Variants in C12orf56 observed in about 807,000 individuals in gnomAD.
The protein encoded by C12orf56 is uncharacterized protein C12orf56.
A neutral mutation model predicts 69.9 loss-of-function variants in C12orf56; 71 were observed. The observed-to-expected ratio is 1.02, with a 90% CI of 0.84 to 1.24. The LOEUF (loss-of-function observed/expected upper bound fraction) is 1.24, where lower values mean the gene tolerates loss of function less well. C12orf56 is among the 50% of genes most tolerant of loss of function. The pLI is 0.00. For missense variants in C12orf56, 732 were observed against 738.5 expected (o/e 0.99, Z 0.10); for synonymous variants, 276 against 274.1 (o/e 1.01, Z -0.07).
intron 1 of C12orf56, among the ~76,000 whole-genome samples, chr12:64,366,834 ATATATAACATACAGTTTATATATAT>A (rs1555194275): frequency 0.018 from 1,704 of 96,330 alleles, 23 homozygotes; most frequent in Admixed American, 0.045. Context: ...TATATATATT[ATATATAACATACAGTTTATATATAT>A]TATATAACAT....
intron 9 of C12orf56, among the ~76,000 whole-genome samples, chr12:64,276,993 TAAAAAA>T (rs200351319): frequency 0.41 from 29,163 of 70,572 alleles, 4,459 homozygotes; most frequent in East Asian, 0.66. Context: ...AACCCTTTCT[TAAAAAA>T]AAAAAAAAAA....
At chr12:64,278,151 T>C (rs2038078756) in intron 8 of C12orf56, among the ~76,000 whole-genome samples, 1 of 152,158 alleles carries the variant, frequency 6.6e-6, no homozygotes, top group African/African-American at 2.4e-5. Flanking sequence ...GACAATATTA[T>C]AGTTAAAATA....
At position 64,360,898 on chromosome 12, in the gene C12orf56, T is replaced by A. The variant is rs543164714; in HGVS notation, c.253-7842A>T. Among the ~76,000 whole-genome samples, 63 of 152,310 alleles carry A rather than the reference T, an allele frequency of 4.1e-4. 2 individuals carry two copies. In the South Asian group the frequency reaches 0.012, roughly 29 times the overall value. ...TATCACACCATTTATATACATTTGATAAATCAACTCTTTTAAGTGTAATTG... is the reference window on the plus strand; with the variant it reads ...TATCACACCATTTATATACATTTGAAAAATCAACTCTTTTAAGTGTAATTG... On this transcript the variant is annotated intron_variant, in intron 1 of 12. Transcript: ENST00000543942.
At chr12:64,275,243 CAT>C (rs2038036243) in intron 10 of C12orf56, 53 bp downstream of exon 10, 2 of 828,088 alleles carry the variant, frequency 2.4e-6, no homozygotes, top group Non-Finnish European at 3.7e-6. Context: ...ATATAATAGT[CAT>C]GTAATTTATA....
At chr12:64,315,586 T>G (rs777153497) in intron 4 of C12orf56, among the ~76,000 whole-genome samples, 6 of 152,136 alleles carry the variant, frequency 3.9e-5, no homozygotes, top group Non-Finnish European at 8.8e-5. Flanking sequence ...TGCTGATAAT[T>G]TCTAATTAGA....
At chr12:64,299,261 T>C (rs552540559) in intron 6 of C12orf56, among the ~76,000 whole-genome samples, 53 of 152,350 alleles carry the variant, frequency 3.5e-4, no homozygotes, top group Admixed American at 3.3e-3. Context: ...TGAAGTTGCT[T>C]TGATAAGCTT....
intron 5 of C12orf56, among the ~76,000 whole-genome samples, chr12:64,308,940 G>GAAAGAAAAAAGAAAAAGA (rs35488127): frequency 1.2e-5 from 1 of 80,828 alleles, no homozygotes; most frequent in Non-Finnish European, 2.5e-5. Context: ...AAGAAAGAAA[G>GAAAGAAAAAAGAAAAAGA]AAGAAAGAAA....
rs71089925 is a variant in C12orf56 at position 64,272,504 on chromosome 12, C to CAAAT, written c.1585-1794_1585-1791dup. Among the ~76,000 whole-genome samples, 238 of 151,012 alleles carry CAAAT rather than the reference C, an allele frequency of 1.6e-3. 2 individuals are homozygous for CAAAT. Among genetic ancestry groups the CAAAT allele is most frequent in the African/African-American group, 3.3e-3 (137 of 41,020 alleles). Reference sequence around the variant, plus strand: ...TGGGTGACAAAGGGAGACTCTGTCTCAAATAAATAAATAAATAAATAAATA... The same window carrying CAAAT: ...TGGGTGACAAAGGGAGACTCTGTCTCAAATAAATAAATAAATAAATAAATAAATA... On this transcript the variant is annotated intron_variant, in intron 11 of 12. Transcript: ENST00000543942.
intron 1 of C12orf56, among the ~76,000 whole-genome samples, chr12:64,367,395 A>G (rs1418212472): frequency 1.4e-5 from 2 of 147,720 alleles, no homozygotes; most frequent in Non-Finnish European, 3.0e-5. Flanking sequence ...AAATATAAAG[A>G]AACTAAAATA....
rs200293677 is a variant in C12orf56 at position 64,379,927 on chromosome 12, C to CA, written c.252+10386dup. On this transcript the variant is annotated intron_variant, in intron 1 of 12. Transcript: ENST00000543942. The stretch of plus-strand genomic sequence containing the variant: ...TGAAACCCCGTCTCCACTAAAAATA[C>CA]AAAAAAAAAAAAAAAAAAAAAAAAG... Among the ~76,000 whole-genome samples, 862 of 113,846 alleles carry CA rather than the reference C, an allele frequency of 7.6e-3. 12 individuals carry two copies. Among genetic ancestry groups the CA allele is most frequent in the African/African-American group, 0.029 (609 of 21,346 alleles). 74.7% of individuals were successfully genotyped at this position (113,846 alleles called of 152,430 possible).
chr12:64,324,766 G>C (rs1308859454), intron 3 of C12orf56, among the ~76,000 whole-genome samples: 1 of 152,188 alleles, frequency 6.6e-6, no homozygotes, highest in African/African-American at 2.4e-5. Context: ...GAGGCAGACA[G>C]GTACTGAGAA....
intron 5 of C12orf56, among the ~76,000 whole-genome samples, chr12:64,310,075 C>T (rs568877062): frequency 4.0e-5 from 6 of 151,196 alleles, no homozygotes; most frequent in Non-Finnish European, 7.4e-5. Context: ...TGGAGTGCGG[C>T]GGTGCAATCG....
At chr12:64,379,768 G>A (rs1219588163) in intron 1 of C12orf56, among the ~76,000 whole-genome samples, 9 of 151,186 alleles carry the variant, frequency 6.0e-5, no homozygotes, top group Non-Finnish European at 1.5e-5. Context: ...CTCAGCTTAC[G>A]TAACTCTTAA....
At position 64,283,646 on chromosome 12, in the gene C12orf56, C is replaced by CT. The variant is rs57539069; in HGVS notation, c.1310+1017dup. Among the ~76,000 whole-genome samples the CT allele has an allele frequency of 8.1e-3, 1,124 of 138,696 alleles. 11 individuals carry two copies. The highest frequency in any genetic ancestry group is 0.04 in the South Asian group (177 of 4,464). The allele number at this position is 138,696 out of a possible 152,430, so 91.0% of individuals were successfully genotyped here. A position where few individuals can be genotyped will look rare whatever the true frequency, so the allele number is the denominator to read the frequency against. ...GCTTGTTTGCCCTCTGCTTCTCTCT[C>CT]TTTTTTTTTTTTTTCTTTTTTAACT... is the stretch of plus-strand genomic sequence containing the variant. On this transcript the variant is annotated intron_variant, in intron 8 of 12. Coordinates refer to ENST00000543942, the MANE Select transcript of C12orf56 (RefSeq NM_001170633.2).
chr12:64,283,298 C>G (rs909221902), intron 8 of C12orf56, among the ~76,000 whole-genome samples: 1 of 152,130 alleles, frequency 6.6e-6, no homozygotes, highest in South Asian at 2.1e-4. Flanking sequence ...GAGCTGAAAT[C>G]GTGCCATTGC....
At chr12:64,320,799 T>C (rs1039910297) in intron 3 of C12orf56, among the ~76,000 whole-genome samples, 1 of 152,174 alleles carries the variant, frequency 6.6e-6, no homozygotes, top group African/African-American at 2.4e-5. Context: ...AGGGAGTCCC[T>C]TGTGCTTAGT....
intron 11 of C12orf56, among the ~76,000 whole-genome samples, chr12:64,273,297 CAAAAAAAAAAAA>C (rs201066197): frequency 2.1e-5 from 3 of 139,892 alleles, no homozygotes; most frequent in Non-Finnish European, 3.0e-5. Context: ...GACTCTGTCT[CAAAAAAAAAAAA>C]AAAAAAAAAA....
At chr12:64,331,849 A>C (rs1411300163) in intron 2 of C12orf56, among the ~76,000 whole-genome samples, 1 of 152,122 alleles carries the variant, frequency 6.6e-6, no homozygotes, top group Non-Finnish European at 1.5e-5. Context: ...CAGGTGCAGG[A>C]TAAGACAGTG....
At chr12:64,351,976 A>ATGT (rs2039228973) in intron 2 of C12orf56, among the ~76,000 whole-genome samples, 2 of 152,120 alleles carry the variant, frequency 1.3e-5, no homozygotes, top group Non-Finnish European at 2.9e-5. Context: ...TACATCCTTC[A>ATGT]AACTGGGAAA....
Sources: allele counts gnomAD v4.1 joint callset (sites outside exome capture counted in the v4.1 genomes callset), GRCh38; gene constraint gnomAD v4.1.1; transcripts MANE v1.5; gene names NCBI Gene and HGNC (gene_info 2026-07-23, HGNC 2026-07-21).